Variants in FMN1 observed in about 807,000 individuals in gnomAD.
FMN1 encodes the protein formin 1.
A neutral mutation model predicts 132.4 loss-of-function variants in FMN1; 110 were observed. The observed-to-expected ratio is 0.83, with a 90% CI of 0.71 to 0.97. The LOEUF (loss-of-function observed/expected upper bound fraction) is 0.97. FMN1 is among the 50% of genes least tolerant of loss of function. FMN1 has a pLI of 0.00. For missense variants in FMN1, 1,792 were observed against 1,705.3 expected, an observed-to-expected ratio of 1.05 and a Z score of -0.90; for synonymous variants, 722 against 651.7, an observed-to-expected ratio of 1.11 and a Z score of -1.64.
At chr15:32,949,994 TACACATACAC>T (rs1189132787) in intron 9 of FMN1, among the ~76,000 whole-genome samples, 1 of 18,336 alleles carries the variant, frequency 5.5e-5, no homozygotes, top group African/African-American at 2.8e-4. Flanking sequence ...CACATATATA[TACACATACAC>T]ATATATATAT....
chr15:33,131,087 T>C (rs1963523034), intron 4 of FMN1, among the ~76,000 whole-genome samples: 1 of 152,096 alleles, frequency 6.6e-6, no homozygotes, highest in African/African-American at 2.4e-5. Context: ...CCCAGCACTT[T>C]GGGGGGCCGA....
At chr15:33,172,101 C>G (rs372024694) in intron 3 of FMN1, among the ~76,000 whole-genome samples, 4 of 151,456 alleles carry the variant, frequency 2.6e-5, no homozygotes, top group Admixed American at 6.6e-5. Context: ...CCAGCTACTC[C>G]GGAGGCTGAG....
chr15:32,810,348 A>T (rs967200373), intron 17 of FMN1, among the ~76,000 whole-genome samples: 2 of 152,204 alleles, frequency 1.3e-5, no homozygotes, highest in Admixed American at 6.5e-5. Flanking sequence ...TTTGCAACAA[A>T]ATAGTGAAGA....
chr15:33,115,049 A>C (rs1156669434), intron 4 of FMN1, among the ~76,000 whole-genome samples: 2 of 152,172 alleles, frequency 1.3e-5, no homozygotes, highest in Non-Finnish European at 2.9e-5. Flanking sequence ...TTCATCTATC[A>C]ATCAGTCAAA....
intron 7 of FMN1, among the ~76,000 whole-genome samples, chr15:32,980,402 C>G (rs1412411308): frequency 1.3e-5 from 2 of 151,766 alleles, no homozygotes; most frequent in Non-Finnish European, 2.9e-5. Context: ...CTTTATATAT[C>G]TGGGTTTTAT....
At chr15:33,023,977 A>G (rs558630871) in intron 6 of FMN1, among the ~76,000 whole-genome samples, 1 of 152,330 alleles carries the variant, frequency 6.6e-6, no homozygotes, top group Admixed American at 6.5e-5. Context: ...CTGATAAGCC[A>G]CATAAATGGA....
chr15:33,001,886 G>C (rs1259716641), intron 7 of FMN1, among the ~76,000 whole-genome samples: 3 of 152,076 alleles, frequency 2.0e-5, no homozygotes, highest in African/African-American at 7.2e-5. Context: ...GAGCACACAT[G>C]GAATAAAAAC....
At chr15:32,958,796 C>T (rs2030149368) in intron 9 of FMN1, among the ~76,000 whole-genome samples, 1 of 152,130 alleles carries the variant, frequency 6.6e-6, no homozygotes, top group African/African-American at 2.4e-5. Context: ...AATCCCAGCA[C>T]TTTGGGAGGC....
At chr15:33,113,849 CTTCT>C (rs576426579) in intron 4 of FMN1, among the ~76,000 whole-genome samples, 50 of 152,310 alleles carry the variant, frequency 3.3e-4, no homozygotes, top group African/African-American at 1.1e-3. Flanking sequence ...AAAACAGAGC[CTTCT>C]TTAACAATGA....
At chr15:32,943,017 T>C (rs1240922472) in intron 9 of FMN1, among the ~76,000 whole-genome samples, 1 of 152,172 alleles carries the variant, frequency 6.6e-6, no homozygotes, top group African/African-American at 2.4e-5. Flanking sequence ...AACTCCAAAA[T>C]ACGAAGTATT....
Position 32,765,798 on chromosome 15 carries a change from AATAT to A in FMN1, c.*8508_*8511del, listed in dbSNP as rs202042649. Reference sequence around the variant, plus strand: ...GACCAAGTACTGTCAAGGAGGAAAAAATATATATATATAATACACACATTTTTAT... The same window carrying A: ...GACCAAGTACTGTCAAGGAGGAAAAAATATATATAATACACACATTTTTAT... On this transcript the variant is annotated 3_prime_UTR_variant, in exon 21 of 21. Coordinates refer to ENST00000616417, the MANE Select transcript of FMN1 (RefSeq NM_001277313.2). 3 of 151,778 alleles carry A rather than the reference AATAT, an allele frequency of 2.0e-5. No individual in the cohort carries two copies. Among genetic ancestry groups the A allele is most frequent in the African/African-American group, 7.3e-5 (3 of 41,364 alleles). The allele number at this position is 151,778 out of a possible 1,614,324, so 9.4% of individuals were successfully genotyped here.
intron 7 of FMN1, among the ~76,000 whole-genome samples, chr15:33,007,754 T>C (rs1464103581): frequency 2.0e-5 from 3 of 152,242 alleles, no homozygotes; most frequent in Non-Finnish European, 4.4e-5. Flanking sequence ...CCATCTTCTC[T>C]TCTGCTTTAA....
At chr15:33,008,523 T>C (rs893971389) in intron 6 of FMN1, among the ~76,000 whole-genome samples, 2 of 152,154 alleles carry the variant, frequency 1.3e-5, no homozygotes, top group African/African-American at 2.4e-5. Context: ...AAAATCTCCA[T>C]TTGAATGCAA....
At position 32,772,153 on chromosome 15, in the gene FMN1, T is replaced by C. The variant is rs16958652; in HGVS notation, c.*2157A>G. 6,083 of 152,294 alleles carry C rather than the reference T, an allele frequency of 0.04. 165 individuals carry two copies. The highest frequency in any genetic ancestry group is 0.063 in the Non-Finnish European group (4,257 of 68,016). 9.4% of individuals were successfully genotyped at this position (152,294 alleles called of 1,614,324 possible). On this transcript the variant is annotated 3_prime_UTR_variant, in exon 21 of 21. Transcript: ENST00000616417. ...AAAGTGGGCTGTATTTGTCTAACTC[T>C]CAAATTAAGTGTTCTCACTCATTAT...
chr15:33,162,241 G>A (rs1238123512), intron 3 of FMN1, among the ~76,000 whole-genome samples: 3 of 152,032 alleles, frequency 2.0e-5, no homozygotes, highest in South Asian at 2.1e-4. Flanking sequence ...TCAAACTCCC[G>A]AGCTCAAGTG....
At chr15:32,955,142 T>G (rs1482582381) in intron 9 of FMN1, among the ~76,000 whole-genome samples, 1 of 152,218 alleles carries the variant, frequency 6.6e-6, no homozygotes. Flanking sequence ...GGGTTTTTGA[T>G]CAAATTAGTT....
At chr15:33,020,590 G>A (rs2035364265) in intron 6 of FMN1, among the ~76,000 whole-genome samples, 1 of 149,726 alleles carries the variant, frequency 6.7e-6, no homozygotes, top group Admixed American at 6.7e-5. Flanking sequence ...GAGAGTTGAG[G>A]TCACGCCATT....
chr15:32,973,584 C>CCCCCCCA (rs936941599), intron 7 of FMN1, among the ~76,000 whole-genome samples: 3 of 151,096 alleles, frequency 2.0e-5, no homozygotes, highest in African/African-American at 7.3e-5. Flanking sequence ...TCACCCCCCC[C>CCCCCCCA]AAAAAAACAC....
chr15:33,136,829 T>C (rs1963786617), intron 4 of FMN1, among the ~76,000 whole-genome samples: 1 of 152,122 alleles, frequency 6.6e-6, no homozygotes, highest in African/African-American at 2.4e-5. Context: ...GGCTCACGCC[T>C]GTAATCCCAG....
Sources: allele counts gnomAD v4.1 joint callset (sites outside exome capture counted in the v4.1 genomes callset), GRCh38; gene constraint gnomAD v4.1.1; transcripts MANE v1.5; gene names NCBI Gene and HGNC (gene_info 2026-07-23, HGNC 2026-07-21).